The following LGALS1 variants were observed in gnomAD, a reference collection of about 807,000 sequenced individuals.
LGALS1 encodes the protein galectin-1.
A neutral mutation model predicts 14.4 loss-of-function variants in LGALS1; 14 were observed. That is an observed-to-expected ratio of 0.97 (90% CI 0.64 to 1.52). The LOEUF is 1.52. Ranked by LOEUF, LGALS1 falls within the 40% of genes most tolerant of loss-of-function variation. The pLI, the probability that LGALS1 is intolerant of heterozygous loss-of-function variation, is 0.00. For missense variants in LGALS1, 170 were observed against 181.4 expected (o/e 0.94, Z 0.36); for synonymous variants, 71 against 73.4 (o/e 0.97, Z 0.17).
At chr22:37,675,833 C>T in intron 1 of LGALS1, 122 bp downstream of exon 1, 1 of 883,396 alleles carries the variant, frequency 1.1e-6, no homozygotes, top group Non-Finnish European at 1.6e-6. Flanking sequence ...CCAGTGCCTT[C>T]TCTTTTCTGG....
chr22:37,679,080 G>A (rs1394323526), intron 3 of LGALS1, among the ~76,000 whole-genome samples: 2 of 148,696 alleles, frequency 1.3e-5, no homozygotes, highest in Non-Finnish European at 3.0e-5. Context: ...GCAGTGAGCC[G>A]AGATTGCACC....
chr22:37,675,859 T>C, intron 1 of LGALS1, 148 bp downstream of exon 1: 1 of 625,554 alleles, frequency 1.6e-6, no homozygotes, highest in East Asian at 3.3e-5. Flanking sequence ...AGTGGCCACA[T>C]CTGTAAAATG....
chr22:37,676,774 C>A, intron 1 of LGALS1: 1 of 639,422 alleles, frequency 1.6e-6, no homozygotes, highest in Non-Finnish European at 2.9e-6. Context: ...CAGACTGAAG[C>A]CAACCCCGGT....
intron 3 of LGALS1, 55 bp downstream of exon 3, chr22:37,678,709 G>A (rs767011986): frequency 8.4e-6 from 12 of 1,425,174 alleles, no homozygotes; most frequent in African/African-American, 2.8e-5. Flanking sequence ...GGGCTGGGGC[G>A]GGGCTGGGTT....
At position 37,678,664 on chromosome 22, in the gene LGALS1, AGACCGGAACCGGG is replaced by A. The variant is rs775987308; in HGVS notation, c.261+15_261+27del. On this transcript the variant is annotated intron_variant, in intron 3 of 3. Coordinates refer to ENST00000215909, the MANE Select transcript of LGALS1 (RefSeq NM_002305.4). ...TGGAAGTGTTGCAGAGGTGGGCTGCAGACCGGAACCGGGGACCAGGGACAGGGGCTGGGTGGGC... is the reference window on the plus strand; with the variant it reads ...TGGAAGTGTTGCAGAGGTGGGCTGCAGACCAGGGACAGGGGCTGGGTGGGC... 22 of 1,142,000 alleles carry A rather than the reference AGACCGGAACCGGG, an allele frequency of 1.9e-5. No homozygotes were observed. In the South Asian group the frequency reaches 2.4e-4, roughly 12 times the overall value. The allele number at this position is 1,142,000 out of a possible 1,614,324, so 70.7% of individuals were successfully genotyped here.
Position 37,679,770 on chromosome 22 carries a change from C to T in LGALS1, c.*21C>T, listed in dbSNP as rs1921573832. ...ACTGAAATCAGCCAGCCCATGGCCC[C>T]CAATAAAGGCAGCTGCCTCTGCTCC... On this transcript the variant is annotated 3_prime_UTR_variant, in exon 4 of 4. Coordinates refer to ENST00000215909, the MANE Select transcript of LGALS1 (RefSeq NM_002305.4). 1.9e-6 allele frequency: 3 copies of T among 1,567,372 alleles called. No homozygotes were observed. The highest frequency in any genetic ancestry group is 2.6e-6 in the Non-Finnish European group (3 of 1,152,824).
At chr22:37,679,090 C>T (rs561726434) in intron 3 of LGALS1, among the ~76,000 whole-genome samples, 1 of 147,328 alleles carries the variant, frequency 6.8e-6, no homozygotes, top group East Asian at 2.0e-4. Flanking sequence ...GAGATTGCAC[C>T]ACTGCACTCC....
chr22:37,677,153 T>C, intron 2 of LGALS1, 88 bp downstream of exon 2: 12 of 1,306,888 alleles, frequency 9.2e-6, no homozygotes, highest in Non-Finnish European at 1.3e-5. Context: ...ATCTCCTCCC[T>C]GGCCGGGAGC....
At chr22:37,679,429 C>CAA (rs201131232) in intron 3 of LGALS1, among the ~76,000 whole-genome samples, 174 bp from the exon 4 acceptor site, 13 of 99,454 alleles carry the variant, frequency 1.3e-4, no homozygotes, top group African/African-American at 4.5e-4. Flanking sequence ...GACTCCATCT[C>CAA]AAAAAAAAAA....
chr22:37,678,338 T>TG, intron 2 of LGALS1, 145 bp from the exon 3 acceptor site: 1 of 870,244 alleles, frequency 1.1e-6, no homozygotes, highest in Non-Finnish European at 1.9e-6. Context: ...GCAGGTGGCA[T>TG]GGCCAGAGCT....
At chr22:37,678,693 C>A in intron 3 of LGALS1, 39 bp downstream of exon 3, 1 of 219,306 alleles carries the variant, frequency 4.6e-6, no homozygotes, top group Non-Finnish European at 9.1e-6. Flanking sequence ...GGGACAGGGG[C>A]TGGGTGGGCT....
At chr22:37,678,432 G>T in intron 2 of LGALS1, 51 bp from the exon 3 acceptor site, 1 of 1,604,406 alleles carries the variant, frequency 6.2e-7, no homozygotes. Flanking sequence ...TAGTCGGTCA[G>T]TGGGGCTGGA....
At chr22:37,678,316 A>C in intron 2 of LGALS1, 167 bp from the exon 3 acceptor site, 1 of 753,632 alleles carries the variant, frequency 1.3e-6, no homozygotes, top group Non-Finnish European at 2.4e-6. Context: ...AAACAGGGGA[A>C]GAGGGGCAGG....
At chr22:37,677,137 G>C in intron 2 of LGALS1, 72 bp downstream of exon 2, 1 of 1,435,246 alleles carries the variant, frequency 7.0e-7, no homozygotes, top group Admixed American at 1.8e-5. Context: ...GGCCGGCCAA[G>C]CCCACATCTC....
intron 3 of LGALS1, among the ~76,000 whole-genome samples, chr22:37,678,913 T>C (rs966651956): frequency 6.6e-6 from 1 of 152,078 alleles, no homozygotes; most frequent in South Asian, 2.1e-4. Flanking sequence ...GCGGATCACC[T>C]GAGGTCGGGA....
At position 37,678,444 on chromosome 22, in the gene LGALS1, CTGGCCGAGG is replaced by C. The variant is rs756720089; in HGVS notation, c.90-33_90-25del. ...GATTAGTCGGTCAGTGGGGCTGGAG[CTGGCCGAGG>C]TGGCCTCATGCCCACCCGTTACCCC... On this transcript the variant is annotated intron_variant, in intron 2 of 3. Transcript: ENST00000215909. 7 of 1,610,412 alleles carry C rather than the reference CTGGCCGAGG, an allele frequency of 4.3e-6. No individual in the cohort carries two copies. The South Asian group carries it at 7.7e-5, about 18-fold the overall frequency.
At chr22:37,676,375 C>A (rs1040334928) in intron 1 of LGALS1, among the ~76,000 whole-genome samples, 13 of 152,168 alleles carry the variant, frequency 8.5e-5, no homozygotes, top group Non-Finnish European at 1.6e-4. Context: ...CCCACCCACT[C>A]GGGGTGCCAG....
intron 3 of LGALS1, 130 bp downstream of exon 3, chr22:37,678,784 G>A: frequency 1.2e-6 from 1 of 851,192 alleles, no homozygotes; most frequent in East Asian, 2.7e-5. Flanking sequence ...CTGTGTGATG[G>A]CCAGTGTCTG....
intron 1 of LGALS1, 114 bp downstream of exon 1, chr22:37,675,825 A>C (rs1921405286): frequency 1.0e-6 from 1 of 972,234 alleles, no homozygotes; most frequent in Non-Finnish European, 1.4e-6. Context: ...GCCTGGAACC[A>C]GTGCCTTCTC....
Sources: allele counts gnomAD v4.1 joint callset (sites outside exome capture counted in the v4.1 genomes callset), GRCh38; gene constraint gnomAD v4.1.1; transcripts MANE v1.5; gene names NCBI Gene and HGNC (gene_info 2026-07-23, HGNC 2026-07-21).